The following SYT2 variants were observed in gnomAD, a reference collection of about 807,000 sequenced individuals.
SYT2 encodes the protein synaptotagmin-2.
Under a neutral mutation model 39.9 loss-of-function variants are expected in SYT2, and 15 were observed. The ratio of observed to expected loss-of-function variants is 0.38; its 90% CI spans 0.25 to 0.58. The LOEUF is 0.58. SYT2 is among the 20% of genes least tolerant of loss of function. SYT2 has a pLI of 0.70. For synonymous variants in SYT2, 181 were observed against 204.5 expected, an observed-to-expected ratio of 0.89 and a Z score of 0.98; for missense variants, 389 against 530.3, an observed-to-expected ratio of 0.73 and a Z score of 2.62.
At chr1:202,670,065 A>T (rs955902747) in intron 1 of SYT2, among the ~76,000 whole-genome samples, 1 of 152,224 alleles carries the variant, frequency 6.6e-6, no homozygotes, top group Non-Finnish European at 1.5e-5. Flanking sequence ...CTCGTGAGGA[A>T]GGAGGGCTTG....
At chr1:202,692,327 C>A (rs1433899172) in intron 1 of SYT2, among the ~76,000 whole-genome samples, 1 of 152,140 alleles carries the variant, frequency 6.6e-6, no homozygotes. Context: ...ACCTACCTAG[C>A]CCACCAAGAA....
intron 1 of SYT2, among the ~76,000 whole-genome samples, chr1:202,709,659 C>G (rs986627536): frequency 5.9e-5 from 9 of 152,136 alleles, no homozygotes; most frequent in Admixed American, 4.6e-4. Flanking sequence ...GCGCCTCCAG[C>G]CCCTTCTTGG....
At chr1:202,631,431 G>A (rs1481346419) in intron 1 of SYT2, among the ~76,000 whole-genome samples, 1 of 152,190 alleles carries the variant, frequency 6.6e-6, no homozygotes, top group Non-Finnish European at 1.5e-5. Context: ...CTTTGCACTT[G>A]AGAAACAGGA....
chr1:202,656,362 A>AT (rs1692277187), intron 1 of SYT2, among the ~76,000 whole-genome samples: 1 of 152,106 alleles, frequency 6.6e-6, no homozygotes, highest in Non-Finnish European at 1.5e-5. Context: ...TATCTTCTTG[A>AT]TTTTAGACTC....
At chr1:202,600,507 T>C (rs1433155997) in intron 6 of SYT2, 33 bp from the exon 7 acceptor site, 4 of 1,604,624 alleles carry the variant, frequency 2.5e-6, no homozygotes, top group Middle Eastern at 3.3e-4. Flanking sequence ...TTGGGTCATC[T>C]CACCCATCCT....
rs1280560410 is a variant in SYT2 at position 202,614,156 on chromosome 1, G to A, written c.-17-8367C>T. The stretch of plus-strand genomic sequence containing the variant: ...TCCTGTAGCAAAGTAAAGCTGCTTG[G>A]TGTCAAATAAACCAGCCAGGAATGA... On this transcript the variant is annotated intron_variant, in intron 1 of 8. Coordinates refer to ENST00000367268, the MANE Select transcript of SYT2 (RefSeq NM_177402.5). This position sits in a 1 kb window ranked among gnomAD's most constrained non-coding sequence, Gnocchi z 4.0. Among the ~76,000 whole-genome samples the A allele has an allele frequency of 6.6e-6, 1 of 152,206 alleles. No individual in the cohort carries two copies. The highest frequency in any genetic ancestry group is 1.5e-5 in the Non-Finnish European group (1 of 68,038).
rs990765517 is a variant in SYT2, at chr1:202,623,751, G to A, written c.-17-17962C>T. On this transcript the variant is annotated intron_variant, in intron 1 of 8. Coordinates refer to ENST00000367268, the MANE Select transcript of SYT2 (RefSeq NM_177402.5). This position sits in a 1 kb window ranked among gnomAD's most constrained non-coding sequence, Gnocchi z 4.2. The stretch of plus-strand genomic sequence containing the variant: ...AGGACTGTGGGGGTCTGCCCTGGTC[G>A]TGCTCCCAAGAGAGGCACTGCTTTC... 3.3e-5 allele frequency among the ~76,000 whole-genome samples: 5 copies of A among 152,164 alleles called. No individual in the cohort carries two copies. Among genetic ancestry groups the A allele is most frequent in the Admixed American group, 6.5e-5 (1 of 15,278 alleles).
intron 1 of SYT2, among the ~76,000 whole-genome samples, chr1:202,661,546 G>A (rs940208134): frequency 6.6e-6 from 1 of 152,118 alleles, no homozygotes; most frequent in East Asian, 1.9e-4. Flanking sequence ...ACATTCCCTC[G>A]TGGTTGCCCT....
At chr1:202,650,515 A>C (rs1692171739) in intron 1 of SYT2, among the ~76,000 whole-genome samples, 1 of 149,428 alleles carries the variant, frequency 6.7e-6, no homozygotes. Context: ...AGCTCACTGC[A>C]ACCCCTGCCT....
chr1:202,709,378 GGAT>G (rs1654333098), intron 1 of SYT2, among the ~76,000 whole-genome samples: 1 of 152,234 alleles, frequency 6.6e-6, no homozygotes, highest in African/African-American at 2.4e-5. Flanking sequence ...GGAGGAGACA[GGAT>G]GAGGGGGCCT....
chr1:202,699,997 C>G (rs1306761774), intron 1 of SYT2, among the ~76,000 whole-genome samples: 1 of 152,114 alleles, frequency 6.6e-6, no homozygotes, highest in East Asian at 1.9e-4. Flanking sequence ...TAAACAGAAG[C>G]TTAAGAGAAT....
In SYT2 at chr1:202,623,195, C is replaced by T. The variant is rs58987897; in HGVS notation, c.-17-17406G>A. Among the ~76,000 whole-genome samples the T allele has an allele frequency of 0.077, 11,731 of 152,180 alleles. 751 individuals carry two copies. Among genetic ancestry groups the T allele is most frequent in the East Asian group, 0.32 (1,671 of 5,170 alleles). ...GCCAGGATCACAACTTGAAACAGGACAGAGAAGCCCGCCATCCCCATGGGA... is the reference window on the plus strand; with the variant it reads ...GCCAGGATCACAACTTGAAACAGGATAGAGAAGCCCGCCATCCCCATGGGA... On this transcript the variant is annotated intron_variant, in intron 1 of 8. Transcript: ENST00000367268. The surrounding 1 kb of genome is among the most constrained non-coding windows in gnomAD (Gnocchi z 4.2).
rs1690400525 is a variant in SYT2, at chr1:202,599,028, T to C, written c.1053+190A>G. ...TTTTTTGAATTAGTTCATGTTTATCTCCTCAGAAAAGGGGGATCCCTGAAG... is the reference window on the plus strand; with the variant it reads ...TTTTTTGAATTAGTTCATGTTTATCCCCTCAGAAAAGGGGGATCCCTGAAG... On this transcript the variant is annotated intron_variant, in intron 8 of 8. Transcript: ENST00000367268. The surrounding 1 kb of genome is among the most constrained non-coding windows in gnomAD (Gnocchi z 4.4). 6.6e-6 allele frequency among the ~76,000 whole-genome samples: 1 copy of C among 152,108 alleles called. No homozygotes were observed. The highest frequency in any genetic ancestry group is 2.1e-4 in the South Asian group (1 of 4,830).
chr1:202,690,676 C>A (rs975539864), intron 1 of SYT2, among the ~76,000 whole-genome samples: 1 of 152,240 alleles, frequency 6.6e-6, no homozygotes, highest in Non-Finnish European at 1.5e-5. Flanking sequence ...ATTCATTCGA[C>A]AACTATTTAC....
chr1:202,597,974 G>C (rs968321890), intron 8 of SYT2, among the ~76,000 whole-genome samples: 1 of 152,188 alleles, frequency 6.6e-6, no homozygotes, highest in Non-Finnish European at 1.5e-5. Context: ...CTCTCTCTGG[G>C]AAGCCTCACT....
At chr1:202,634,518 G>C (rs571458105) in intron 1 of SYT2, among the ~76,000 whole-genome samples, 15 of 152,034 alleles carry the variant, frequency 9.9e-5, no homozygotes, top group South Asian at 4.2e-4. Flanking sequence ...TATACCATTT[G>C]ACAATCCTAG....
intron 1 of SYT2, among the ~76,000 whole-genome samples, chr1:202,640,531 G>A (rs1364532002): frequency 7.9e-6 from 1 of 126,194 alleles, no homozygotes; most frequent in African/African-American, 4.0e-5. Context: ...AGGGACATCT[G>A]GCTTTACCGC....
chr1:202,635,250 C>T (rs1222222706), intron 1 of SYT2, among the ~76,000 whole-genome samples: 1 of 152,136 alleles, frequency 6.6e-6, no homozygotes, highest in Non-Finnish European at 1.5e-5. Context: ...CCAGCCCACA[C>T]TCATGGAAAG....
At position 202,599,140 on chromosome 1, in the gene SYT2, T is replaced by A; in HGVS notation, c.1053+78A>T. On this transcript the variant is annotated intron_variant, in intron 8 of 8. Coordinates refer to ENST00000367268, the MANE Select transcript of SYT2 (RefSeq NM_177402.5). The surrounding 1 kb of genome is among the most constrained non-coding windows in gnomAD (Gnocchi z 4.4). ...GGCTGTTCCATGGTCTCTAGGTGAG[T>A]TCCCTCTCTTCAACCTCCCCATACA... 2.5e-6 allele frequency: 4 copies of A among 1,574,476 alleles called. No individual in the cohort carries two copies. In the South Asian group the frequency reaches 4.7e-5, roughly 19 times the overall value.
Sources: allele counts gnomAD v4.1 joint callset (sites outside exome capture counted in the v4.1 genomes callset), GRCh38; gene constraint gnomAD v4.1.1; non-coding constraint Gnocchi (gnomAD v3.1); transcripts MANE v1.5; gene names NCBI Gene and HGNC (gene_info 2026-07-23, HGNC 2026-07-21).